Variants in GIMD1 observed in about 807,000 individuals in gnomAD.
The protein encoded by GIMD1 is GIMAP family P-loop NTPase domain containing 1, also known as GTPase IMAP family member GIMD1.
A neutral mutation model predicts 14.9 loss-of-function variants in GIMD1; 14 were observed. That is an observed-to-expected ratio of 0.94 (90% confidence interval 0.62 to 1.47). The LOEUF (loss-of-function observed/expected upper bound fraction) is 1.47. Ranked by LOEUF, GIMD1 falls within the 40% of genes most tolerant of loss-of-function variation. The probability of loss-of-function intolerance (pLI) is 0.00; values close to 1 mark genes in which losing one functional copy is unlikely to be tolerated. For missense variants in GIMD1, 272 were observed against 255.3 expected (o/e 1.07, Z -0.44); for synonymous variants, 91 against 90.5 (o/e 1.01, Z -0.03).
chr4:106,358,035 T>G lies in GIMD1; in HGVS notation c.*148A>C. 1.8e-6 allele frequency: 1 copy of G among 554,680 alleles called. No individual in the cohort carries two copies. Among genetic ancestry groups the G allele is most frequent in the Non-Finnish European group, 3.1e-6 (1 of 322,596 alleles). The allele number at this position is 554,680 out of a possible 1,614,324, so 34.4% of individuals were successfully genotyped here. A position where few individuals can be genotyped will look rare whatever the true frequency, so the allele number is the denominator to read the frequency against. Reference sequence around the variant, plus strand: ...TGAATCATTGATGTTCTTTTTAACTTCTAGTTTTCCAAAGTGGTTATACCA... The same window carrying G: ...TGAATCATTGATGTTCTTTTTAACTGCTAGTTTTCCAAAGTGGTTATACCA... On this transcript the variant is annotated 3_prime_UTR_variant, in exon 3 of 3. Transcript: ENST00000638719.
intron 2 of GIMD1, among the ~76,000 whole-genome samples, chr4:106,365,684 C>T (rs913547069): frequency 5.9e-5 from 9 of 152,036 alleles, no homozygotes; most frequent in Non-Finnish European, 1.3e-4. Context: ...CTCATTGAGG[C>T]TCTTGAGTAA....
Position 106,367,436 on chromosome 4 carries a change from G to A in GIMD1, c.-1C>T, listed in dbSNP as rs986440707. ...TGATCATCTTGTTGGGGTCTGTCATGGCTGTAGGAAAACAAAGGCATAGCA... is the reference window on the plus strand; with the variant it reads ...TGATCATCTTGTTGGGGTCTGTCATAGCTGTAGGAAAACAAAGGCATAGCA... On this transcript the variant is annotated splice_region_variant and 5_prime_UTR_variant, in exon 2 of 3. Coordinates refer to ENST00000638719, the MANE Select transcript of GIMD1 (RefSeq NM_001195138.2). 18 of 1,524,940 alleles carry A rather than the reference G, an allele frequency of 1.2e-5. 1 individual carries two copies. The highest frequency in any genetic ancestry group is 4.9e-5 in the East Asian group (2 of 40,696). The allele number at this position is 1,524,940 out of a possible 1,614,324, so 94.5% of individuals were successfully genotyped here. A position where few individuals can be genotyped will look rare whatever the true frequency, so the allele number is the denominator to read the frequency against.
chr4:106,362,391 T>C (rs555369278), intron 2 of GIMD1, among the ~76,000 whole-genome samples: 110 of 152,130 alleles, frequency 7.2e-4, no homozygotes, highest in African/African-American at 2.5e-3. Context: ...CACATAAAAA[T>C]CCAAAAGCAA....
intron 2 of GIMD1, 93 bp from the exon 3 acceptor site, chr4:106,358,536 A>G (rs1211841679): frequency 1.1e-6 from 1 of 891,702 alleles, no homozygotes; most frequent in Non-Finnish European, 1.6e-6. Flanking sequence ...GATAGCCAGC[A>G]GATCCATATT....
At chr4:106,367,900 A>G (rs1221386943) in intron 1 of GIMD1, among the ~76,000 whole-genome samples, 7 of 152,192 alleles carry the variant, frequency 4.6e-5, no homozygotes, top group Non-Finnish European at 1.0e-4. Flanking sequence ...CTTGCTTTCT[A>G]ACAACATCCC....
At chr4:106,363,884 G>C (rs780066233) in intron 2 of GIMD1, among the ~76,000 whole-genome samples, 1 of 34,162 alleles carries the variant, frequency 2.9e-5, no homozygotes, top group Non-Finnish European at 4.7e-5. Flanking sequence ...ATACCATAAT[G>C]GGGGGGGGGG....
At chr4:106,368,062 A>G (rs1770732025) in intron 1 of GIMD1, among the ~76,000 whole-genome samples, 1 of 152,062 alleles carries the variant, frequency 6.6e-6, no homozygotes, top group African/African-American at 2.4e-5. Flanking sequence ...TTTTTTTTAC[A>G]ACCAGGGAAC....
chr4:106,366,247 A>G (rs1770697203), intron 2 of GIMD1, among the ~76,000 whole-genome samples: 1 of 152,154 alleles, frequency 6.6e-6, no homozygotes, highest in African/African-American at 2.4e-5. Context: ...CCCTATGAAT[A>G]ATGCATAACT....
At chr4:106,367,476 T>A in intron 1 of GIMD1, 39 bp from the exon 2 acceptor site, 1 of 1,467,500 alleles carries the variant, frequency 6.8e-7, no homozygotes, top group Non-Finnish European at 9.0e-7. Flanking sequence ...TAATTAGGCT[T>A]CTACATTCCC....
intron 2 of GIMD1, 96 bp from the exon 3 acceptor site, chr4:106,358,539 T>A (rs1239416836): frequency 9.2e-6 from 8 of 874,128 alleles, no homozygotes; most frequent in Admixed American, 3.4e-5. Context: ...AGCCAGCAGA[T>A]CCATATTATT....
chr4:106,368,451 C>T (rs1033271405), intron 1 of GIMD1, among the ~76,000 whole-genome samples: 1 of 152,146 alleles, frequency 6.6e-6, no homozygotes, highest in Non-Finnish European at 1.5e-5. Context: ...GTTTTAAGTA[C>T]CGCAGGTCCT....
At chr4:106,367,474 C>T in intron 1 of GIMD1, 37 bp from the exon 2 acceptor site, 3 of 1,468,688 alleles carry the variant, frequency 2.0e-6, no homozygotes, top group Non-Finnish European at 2.7e-6. Context: ...CATAATTAGG[C>T]TTCTACATTC....
In GIMD1 at chr4:106,358,366, A is replaced by G; in HGVS notation, c.471T>C (p.Leu157=). ...CCTCATGTAAATATTTATCTTCAGT[A>G]AGCCCAGCCTCTTCTATTTTTTCTG... is the stretch of plus-strand genomic sequence containing the variant. The part of the protein sequence containing the change: ...THAEKIEEAG[L]TEDKYLHEAS... The change falls in exon 3 of 3, where the codon CTT becomes CTC. Residue 157 remains leucine (L), a synonymous_variant. Coordinates refer to ENST00000638719, the MANE Select transcript of GIMD1 (RefSeq NM_001195138.2). The G allele has an allele frequency of 2.0e-6, 3 of 1,533,494 alleles. No homozygotes were observed. The highest frequency in any genetic ancestry group is 2.6e-6 in the Non-Finnish European group (3 of 1,145,134). 95.0% of individuals were successfully genotyped at this position (1,533,494 alleles called of 1,614,324 possible).
chr4:106,359,575 A>T (rs1026569263), intron 2 of GIMD1, among the ~76,000 whole-genome samples: 2 of 151,914 alleles, frequency 1.3e-5, no homozygotes, highest in African/African-American at 4.8e-5. Flanking sequence ...ACTTTGAGTT[A>T]TATGTATTAG....
intron 1 of GIMD1, among the ~76,000 whole-genome samples, chr4:106,368,384 A>G (rs1770739748): frequency 6.6e-6 from 1 of 152,198 alleles, no homozygotes; most frequent in African/African-American, 2.4e-5. Flanking sequence ...AGAAATAAAG[A>G]CATTTTAATA....
chr4:106,358,345 A>G lies in GIMD1; in HGVS notation c.492T>C (p.His164=), dbSNP rs952624962. ...GCGTTTTCAGGGTATCAGAGGCCTCATGTAAATATTTATCTTCAGTAAGCC... is the reference window on the plus strand; with the variant it reads ...GCGTTTTCAGGGTATCAGAGGCCTCGTGTAAATATTTATCTTCAGTAAGCC... The part of the protein sequence containing the change: ...EAGLTEDKYL[H]EASDTLKTLL... The change falls in exon 3 of 3, where the codon CAT becomes CAC. Residue 164 remains histidine, a synonymous_variant. Transcript: ENST00000638719. 2.0e-6 allele frequency: 3 copies of G among 1,534,042 alleles called. No homozygotes were observed. In the Admixed American group the frequency reaches 5.9e-5, roughly 30 times the overall value.
chr4:106,358,099 G>A lies in GIMD1; in HGVS notation c.*84C>T, dbSNP rs1406063412. ...CCAGCAGCATATCAGAATACTTATG[G>A]TCCACATTCATGTCAATAAAGGCAT... is the stretch of plus-strand genomic sequence containing the variant. On this transcript the variant is annotated 3_prime_UTR_variant, in exon 3 of 3. Coordinates refer to ENST00000638719, the MANE Select transcript of GIMD1 (RefSeq NM_001195138.2). 1 of 900,480 alleles carries A rather than the reference G, an allele frequency of 1.1e-6. No individual in the cohort carries two copies. The highest frequency in any genetic ancestry group is 1.6e-6 in the Non-Finnish European group (1 of 615,858). 55.8% of individuals were successfully genotyped at this position (900,480 alleles called of 1,614,324 possible).
intron 2 of GIMD1, among the ~76,000 whole-genome samples, chr4:106,361,025 C>G (rs1190868181): frequency 6.6e-6 from 1 of 151,986 alleles, no homozygotes; most frequent in Non-Finnish European, 1.5e-5. Context: ...TACAGCAATC[C>G]CTGGATCATT....
chr4:106,368,647 AG>A, intron 1 of GIMD1, 62 bp downstream of exon 1: 1 of 397,630 alleles, frequency 2.5e-6, no homozygotes, highest in Non-Finnish European at 4.4e-6. Flanking sequence ...CTCCTAAATC[AG>A]GGTGTAATGT....
Sources: gnomAD v4.1 joint callset for allele counts (sites outside exome capture counted in the v4.1 genomes callset) on GRCh38, gnomAD v4.1.1 for gene constraint, MANE v1.5 for transcripts, NCBI Gene and HGNC (gene_info 2026-07-23, HGNC 2026-07-21) for gene names.